The following CFAP54 variants were observed in gnomAD, a reference collection of about 807,000 sequenced individuals.
CFAP54 encodes the protein cilia and flagella associated protein 54.
In CFAP54, 290 loss-of-function variants were observed where a neutral mutation model predicts 370.4. The observed-to-expected ratio is 0.78, with a 90% CI of 0.71 to 0.86. The LOEUF (loss-of-function observed/expected upper bound fraction) is 0.86. Ranked by LOEUF, CFAP54 falls within the 40% of genes least tolerant of loss-of-function variation. The pLI is 0.00. For missense variants in CFAP54, 3,399 were observed against 3,528.7 expected (o/e 0.96, Z 0.93); for synonymous variants, 1,206 against 1,236.5 (o/e 0.98, Z 0.52).
In CFAP54 at chr12:96,489,763, C is replaced by G. The variant is rs1396023865; in HGVS notation, c.154C>G (p.Pro52Ala). The G allele has an allele frequency of 6.5e-7, 1 of 1,536,128 alleles. No homozygotes were observed. Among genetic ancestry groups the G allele is most frequent in the South Asian group, 1.2e-5 (1 of 84,058 alleles). Residue 52 changes from proline (P) to alanine (A), a missense_variant, in exon 1 of 68, where the codon CCC becomes GCC. By Grantham distance (27) the Pro-to-Ala change is conservative. Coordinates refer to ENST00000524981, the MANE Select transcript of CFAP54 (RefSeq NM_001306084.2). ...SRSSLLQWTC[P>A]EDSLPLAVFY... ...GAGCTCGCTGCTTCAGTGGACCTGC[C>G]CCGAGGACTCATTGCCCCTAGCCGT...
chr12:96,870,666 ATTGTT>A (rs1052901216), intron 67 of CFAP54, among the ~76,000 whole-genome samples: 30 of 152,120 alleles, frequency 2.0e-4, no homozygotes, highest in African/African-American at 6.3e-4. Context: ...GAGGTTATTT[ATTGTT>A]TTGTTTTGGT....
intron 12 of CFAP54, among the ~76,000 whole-genome samples, chr12:96,536,584 G>T (rs1452933581): frequency 1.3e-5 from 2 of 151,646 alleles, no homozygotes; most frequent in African/African-American, 4.8e-5. Context: ...TAAAAAGGTA[G>T]GGAACTTTCC....
intron 26 of CFAP54, among the ~76,000 whole-genome samples, chr12:96,608,564 T>A (rs1191645049): frequency 1.4e-5 from 2 of 146,578 alleles, no homozygotes; most frequent in Non-Finnish European, 3.0e-5. Context: ...CCAGTTCAAG[T>A]GATTCTCATG....
At chr12:96,857,920 T>G (rs780174020) in intron 66 of CFAP54, among the ~76,000 whole-genome samples, 3 of 152,180 alleles carry the variant, frequency 2.0e-5, no homozygotes, top group Non-Finnish European at 2.9e-5. Flanking sequence ...AACGGATCAA[T>G]ATACACGTCT....
chr12:96,558,819 C>T (rs1372891515), intron 17 of CFAP54, among the ~76,000 whole-genome samples: 2 of 152,094 alleles, frequency 1.3e-5, no homozygotes, highest in African/African-American at 4.8e-5. Context: ...TTGGTCTGGG[C>T]AAAAATTTCT....
At chr12:96,721,947 A>G (rs375155926) in intron 50 of CFAP54, among the ~76,000 whole-genome samples, 1 of 152,298 alleles carries the variant, frequency 6.6e-6, no homozygotes, top group Non-Finnish European at 1.5e-5. Flanking sequence ...TGTGGTTGTA[A>G]TAAGTGTGAC....
intron 66 of CFAP54, among the ~76,000 whole-genome samples, chr12:96,853,364 C>T (rs1252749065): frequency 6.6e-6 from 1 of 152,050 alleles, no homozygotes; most frequent in Non-Finnish European, 1.5e-5. Flanking sequence ...CATATATATA[C>T]ACACCTGGTC....
intron 26 of CFAP54, among the ~76,000 whole-genome samples, chr12:96,603,717 A>G (rs1956269244): frequency 6.6e-6 from 1 of 151,960 alleles, no homozygotes; most frequent in Non-Finnish European, 1.5e-5. Flanking sequence ...ACTTTCAATC[A>G]CTGATATCCT....
intron 26 of CFAP54, 56 bp downstream of exon 26, chr12:96,598,823 G>A (rs1395958800): frequency 6.9e-6 from 3 of 436,094 alleles, no homozygotes; most frequent in Non-Finnish European, 1.2e-5. Context: ...TGATGATTTG[G>A]AAAGTCTACT....
At chr12:96,733,885 A>G (rs1459335574) in intron 50 of CFAP54, among the ~76,000 whole-genome samples, 1 of 152,188 alleles carries the variant, frequency 6.6e-6, no homozygotes, top group African/African-American at 2.4e-5. Flanking sequence ...GATGAGAAGA[A>G]TGGAATGGGT....
rs750296404 is a variant in CFAP54, at chr12:96,764,288, A to G, written c.8139+39A>G. On this transcript the variant is annotated intron_variant, in intron 59 of 67. Transcript: ENST00000524981. ...TTGTTTAATCTTTCTTCTTACTGTC[A>G]TATCTGTATTCTCTGCCTTTAAAGA... 16 of 1,453,070 alleles carry G rather than the reference A, an allele frequency of 1.1e-5. No homozygotes were observed. In the South Asian group the frequency reaches 1.8e-4, roughly 16 times the overall value. The allele number at this position is 1,453,070 out of a possible 1,614,324, so 90.0% of individuals were successfully genotyped here.
chr12:96,594,409 T>C lies in CFAP54; in HGVS notation c.3479T>C (p.Ile1160Thr). 1 of 1,534,014 alleles carries C rather than the reference T, an allele frequency of 6.5e-7. No individual in the cohort carries two copies. Among genetic ancestry groups the C allele is most frequent in the Non-Finnish European group, 8.7e-7 (1 of 1,145,324 alleles). Residue 1160 changes from isoleucine (I) to threonine (T), a missense_variant, in exon 25 of 68, where the codon ATA becomes ACA. This residue lies in a region of CFAP54 where 2,796 missense variants were observed against 2,869.7 expected (regional missense o/e 0.97). Transcript: ENST00000524981. ...VTQCYGLLAP[I>T]IYHNIVLVPV... is the part of the protein sequence containing the mutation. ...CAATGTTATGGACTTCTTGCTCCCA[T>C]AATTTATCACAATATTGTTTTGGTA...
intron 32 of CFAP54, among the ~76,000 whole-genome samples, chr12:96,632,908 A>C (rs1245019470): frequency 6.6e-6 from 1 of 152,086 alleles, no homozygotes; most frequent in Non-Finnish European, 1.5e-5. Context: ...AATGCCTTTC[A>C]ATAAATTTCT....
At chr12:96,839,693 A>G (rs1959199685) in intron 66 of CFAP54, among the ~76,000 whole-genome samples, 1 of 152,218 alleles carries the variant, frequency 6.6e-6, no homozygotes, top group Non-Finnish European at 1.5e-5. Context: ...GATACCTGGG[A>G]CATGAGGTGG....
At chr12:96,872,277 C>T (rs1040141008) in intron 67 of CFAP54, among the ~76,000 whole-genome samples, 1 of 152,036 alleles carries the variant, frequency 6.6e-6, no homozygotes, top group African/African-American at 2.4e-5. Flanking sequence ...AATGGGTTGC[C>T]TTCTTAAAAG....
At chr12:96,617,217 G>C (rs371039534) in intron 26 of CFAP54, among the ~76,000 whole-genome samples, 1 of 152,146 alleles carries the variant, frequency 6.6e-6, no homozygotes, top group South Asian at 2.1e-4. Flanking sequence ...TTTTGGAGTC[G>C]ATAGGATATC....
chr12:96,697,533 T>A (rs1007128558), intron 45 of CFAP54, among the ~76,000 whole-genome samples: 1 of 152,202 alleles, frequency 6.6e-6, no homozygotes, highest in Non-Finnish European at 1.5e-5. Flanking sequence ...ATATTTTATT[T>A]TCATGTTACT....
In CFAP54 at chr12:96,811,266, C is replaced by T. The variant is rs1044783361; in HGVS notation, c.8851-470C>T. Among the ~76,000 whole-genome samples the T allele has an allele frequency of 4.6e-5, 7 of 152,104 alleles. No individual in the cohort carries two copies. The South Asian group carries it at 6.2e-4, about 14-fold the overall frequency. ...TACTAGAGCATGAATCATCAAGGGA[C>T]GTTTCATCTTAGCTGTGGTGGCTAG... On this transcript the variant is annotated intron_variant, in intron 63 of 67. Transcript: ENST00000524981.
At chr12:96,496,778 C>G (rs534793812) in intron 1 of CFAP54, among the ~76,000 whole-genome samples, 108 of 152,076 alleles carry the variant, frequency 7.1e-4, no homozygotes, top group African/African-American at 2.6e-3. Context: ...AAGGGATATT[C>G]AGATTTTTCC....
Sources: gnomAD v4.1 joint callset for allele counts (sites outside exome capture counted in the v4.1 genomes callset) on GRCh38, gnomAD v4.1.1 for gene constraint, gnomAD v4.1.1 regional missense constraint, MANE v1.5 for transcripts, NCBI Gene and HGNC (gene_info 2026-07-23, HGNC 2026-07-21) for gene names.